The following PHF21B variants were observed in gnomAD, a reference collection of about 807,000 sequenced individuals.
The protein encoded by PHF21B is PHD finger protein 4.
A neutral mutation model predicts 62.2 loss-of-function variants in PHF21B; 22 were observed. The observed-to-expected ratio is 0.35, with a 90% CI of 0.25 to 0.51. PHF21B has a LOEUF of 0.51. PHF21B is among the 20% of genes least tolerant of loss of function. The pLI is 0.97. For missense variants in PHF21B, 701 were observed against 707.9 expected, an observed-to-expected ratio of 0.99 and a Z score of 0.11; for synonymous variants, 341 against 314.7, an observed-to-expected ratio of 1.08 and a Z score of -0.88.
At chr22:44,885,216 G>A (rs1361312394) in intron 12 of PHF21B, among the ~76,000 whole-genome samples, 10 of 152,154 alleles carry the variant, frequency 6.6e-5, no homozygotes, top group Admixed American at 5.2e-4. Flanking sequence ...CCCAGGCCCC[G>A]GTGCACACCT....
intron 8 of PHF21B, 60 bp downstream of exon 8, chr22:44,891,246 C>T: frequency 6.3e-7 from 1 of 1,589,412 alleles, no homozygotes; most frequent in South Asian, 1.1e-5. Flanking sequence ...GAGGACCACC[C>T]AGGGATGACT....
chr22:45,007,466 C>T (rs1193452298), intron 2 of PHF21B, among the ~76,000 whole-genome samples: 2 of 147,376 alleles, frequency 1.4e-5, no homozygotes, highest in African/African-American at 2.5e-5. Flanking sequence ...GGGGCGGGCC[C>T]GGAGCTGTCC....
intron 2 of PHF21B, among the ~76,000 whole-genome samples, chr22:44,968,382 A>G (rs2072571384): frequency 6.6e-6 from 1 of 152,136 alleles, no homozygotes; most frequent in South Asian, 2.1e-4. Context: ...AGCGGCTCAC[A>G]CCTGTAATCT....
chr22:44,899,890 T>C (rs1045096466), intron 5 of PHF21B, among the ~76,000 whole-genome samples: 2 of 152,202 alleles, frequency 1.3e-5, no homozygotes, highest in Non-Finnish European at 2.9e-5. Flanking sequence ...TTTTCAGCAA[T>C]TCTCTTGAGT....
rs141318038 is a variant in PHF21B at position 44,902,131 on chromosome 22, G to C, written c.832-6048C>G. ...CTGGTCCTCAGTTGAGGACACACCA[G>C]AAATTTGCCATTGCCACCTCAACCA... On this transcript the variant is annotated intron_variant, in intron 5 of 12. Transcript: ENST00000313237. 3.5e-3 allele frequency: 749 copies of C among 214,328 alleles called. 7 individuals are homozygous for C. The highest frequency in any genetic ancestry group is 0.016 in the African/African-American group (665 of 42,734). 13.3% of individuals were successfully genotyped at this position (214,328 alleles called of 1,614,324 possible). A position where few individuals can be genotyped will look rare whatever the true frequency, so the allele number is the denominator to read the frequency against.
At chr22:44,897,567 G>A (rs1358198962) in intron 5 of PHF21B, among the ~76,000 whole-genome samples, 5 of 152,246 alleles carry the variant, frequency 3.3e-5, no homozygotes, top group Middle Eastern at 3.4e-3. Context: ...GTAGGTGCTC[G>A]TGAGTATTTG....
At chr22:44,962,503 A>T (rs1031258000) in intron 2 of PHF21B, among the ~76,000 whole-genome samples, 1 of 152,242 alleles carries the variant, frequency 6.6e-6, no homozygotes, top group African/African-American at 2.4e-5. Flanking sequence ...ATCACATGGA[A>T]TAGTGCTAGC....
intron 2 of PHF21B, among the ~76,000 whole-genome samples, chr22:44,924,573 CTT>C (rs777276935): frequency 6.0e-4 from 91 of 152,308 alleles, no homozygotes; most frequent in Middle Eastern, 6.8e-3. Flanking sequence ...CTCTCATTCT[CTT>C]TCTCTCTCTG....
At chr22:44,912,737 T>C (rs1162665712) in intron 5 of PHF21B, among the ~76,000 whole-genome samples, 1 of 151,608 alleles carries the variant, frequency 6.6e-6, no homozygotes, top group Non-Finnish European at 1.5e-5. Context: ...AATTAGCCAG[T>C]AGTGGTAGTG....
chr22:44,980,092 AAAAAG>A (rs2072811834), intron 2 of PHF21B, among the ~76,000 whole-genome samples: 1 of 150,878 alleles, frequency 6.6e-6, no homozygotes, highest in Non-Finnish European at 1.5e-5. Context: ...AAAAAAAAAA[AAAAAG>A]GAAAGAAGAA....
intron 2 of PHF21B, among the ~76,000 whole-genome samples, chr22:44,959,598 G>A (rs1333557892): frequency 6.6e-6 from 1 of 152,212 alleles, no homozygotes; most frequent in Non-Finnish European, 1.5e-5. Flanking sequence ...CCAGTGATGG[G>A]GAAGACTGGC....
intron 12 of PHF21B, among the ~76,000 whole-genome samples, chr22:44,883,796 G>A (rs1332049308): frequency 3.7e-5 from 5 of 135,278 alleles, no homozygotes; most frequent in African/African-American, 9.8e-5. Context: ...AATACTGCTT[G>A]GGCAAATAAC....
chr22:44,966,704 C>A (rs936320961), intron 2 of PHF21B, among the ~76,000 whole-genome samples: 5 of 152,172 alleles, frequency 3.3e-5, no homozygotes, highest in African/African-American at 1.2e-4. Flanking sequence ...GTAGCGGTAG[C>A]CCCCGCAGTA....
intron 2 of PHF21B, among the ~76,000 whole-genome samples, chr22:44,986,001 A>AC (rs2072939850): frequency 6.6e-6 from 1 of 151,330 alleles, no homozygotes; most frequent in African/African-American, 2.4e-5. Context: ...CATCACCATG[A>AC]CAACCATCAC....
intron 2 of PHF21B, among the ~76,000 whole-genome samples, chr22:44,982,219 C>T (rs2072855579): frequency 6.6e-6 from 1 of 152,196 alleles, no homozygotes; most frequent in South Asian, 2.1e-4. Flanking sequence ...GCCTCTGCTG[C>T]CTATCAGCTT....
chr22:44,944,830 A>T (rs1007764027), intron 2 of PHF21B, among the ~76,000 whole-genome samples: 1 of 119,328 alleles, frequency 8.4e-6, no homozygotes, highest in Non-Finnish European at 1.7e-5. Flanking sequence ...AGAAGCTCTA[A>T]TGAAGTCAGG....
At chr22:44,885,752 C>T in intron 11 of PHF21B, 111 bp downstream of exon 11, 1 of 1,206,526 alleles carries the variant, frequency 8.3e-7, no homozygotes, top group Non-Finnish European at 1.2e-6. Flanking sequence ...GTGCTCTGGC[C>T]CTGAAGGGAA....
chr22:45,009,050 A>C lies in PHF21B; in HGVS notation c.55-440T>G. 8.9e-7 allele frequency: 1 copy of C among 1,128,628 alleles called. No homozygotes were observed. Among genetic ancestry groups the C allele is most frequent in the East Asian group, 4.5e-5 (1 of 22,006 alleles). The allele number at this position is 1,128,628 out of a possible 1,614,324, so 69.9% of individuals were successfully genotyped here. On this transcript the variant is annotated intron_variant, in intron 1 of 12. Coordinates refer to ENST00000313237, the MANE Select transcript of PHF21B (RefSeq NM_138415.5). The surrounding 1 kb of genome is among the most constrained non-coding windows in gnomAD (Gnocchi z 5.9). ...CACACGCGCACGCCGAGCCCCGCTC[A>C]GGCTCCGGCCGCCACGCCGCCGCTC...
intron 2 of PHF21B, among the ~76,000 whole-genome samples, chr22:44,940,149 A>G (rs2071927871): frequency 1.3e-5 from 2 of 152,202 alleles, no homozygotes; most frequent in Non-Finnish European, 2.9e-5. Flanking sequence ...CACCTCCACC[A>G]GGGCAGGTGC....
Sources: gnomAD v4.1 joint callset for allele counts (sites outside exome capture counted in the v4.1 genomes callset) on GRCh38, gnomAD v4.1.1 for gene constraint, Gnocchi (gnomAD v3.1) non-coding constraint, MANE v1.5 for transcripts, NCBI Gene and HGNC (gene_info 2026-07-23, HGNC 2026-07-21) for gene names.